The following ADAMTSL4 variants were observed in gnomAD, a reference collection of about 807,000 sequenced individuals.
ADAMTSL4 encodes the protein ADAMTS-like protein 4.
Under a neutral mutation model 122.8 loss-of-function variants are expected in ADAMTSL4, and 97 were observed. That is an observed-to-expected ratio of 0.79 (90% confidence interval 0.67 to 0.93). ADAMTSL4 has a LOEUF of 0.93. Among genes scored for constraint, ADAMTSL4 ranks in the 40% least tolerant of loss-of-function variants. ADAMTSL4 has a pLI of 0.00. For synonymous variants in ADAMTSL4, 592 were observed against 568.0 expected, an observed-to-expected ratio of 1.04 and a Z score of -0.60; for missense variants, 1,408 against 1,453.5, an observed-to-expected ratio of 0.97 and a Z score of 0.51.
chr1:150,552,562 C>G lies in ADAMTSL4; in HGVS notation c.40C>G (p.Leu14Val). The G allele has an allele frequency of 6.2e-7, 1 of 1,614,026 alleles. No homozygotes were observed. Among genetic ancestry groups the G allele is most frequent in the East Asian group, 2.2e-5 (1 of 44,874 alleles). Residue 14 changes from leucine to valine, a missense_variant, in exon 4 of 19, where the codon CTG (leucine) becomes GTG (valine). Physicochemically the swap from Leu to Val is conservative, Grantham distance 32. Coordinates refer to ENST00000271643, the MANE Select transcript of ADAMTSL4 (RefSeq NM_019032.6). The surrounding 1 kb of genome is among the most constrained non-coding windows in gnomAD (Gnocchi z 4.0). ...TTGCAGGCCCTGGCTGTATCTGCTG[C>G]TGCTTCTGTCCCTCCCTCAGCTCTG... ...WTGRPWLYLL[L>V]LLSLPQLCLD...
Position 150,559,582 on chromosome 1 carries a change from C to T in ADAMTSL4, c.2943+116C>T, listed in dbSNP as rs983814717. 5.8e-6 allele frequency: 9 copies of T among 1,556,454 alleles called. No individual in the cohort carries two copies. The highest frequency in any genetic ancestry group is 1.7e-5 in the Admixed American group (1 of 58,156). The stretch of plus-strand genomic sequence containing the variant: ...GTGCCCCAGAATAAGCCCAGCCAAG[C>T]GTTACCACTGTCCTACTTCTTATAG... On this transcript the variant is annotated intron_variant, in intron 17 of 18. Coordinates refer to ENST00000271643, the MANE Select transcript of ADAMTSL4 (RefSeq NM_019032.6). This position sits in a 1 kb window ranked among gnomAD's most constrained non-coding sequence, Gnocchi z 4.1.
In ADAMTSL4 at chr1:150,557,520, A is replaced by T; in HGVS notation, c.2074A>T (p.Ile692Phe). ...KGVWRPIFLC[I>F]SRESGEELDE... ...TGTCTGGCGCCCCATTTTCCTCTGC[A>T]TCTCCCGTGAGTCGGGAGAGGAACT... Residue 692 changes from isoleucine to phenylalanine, a missense_variant, in exon 13 of 19, where the codon ATC becomes TTC. Physicochemically the swap from Ile to Phe is conservative, Grantham distance 21 (BLOSUM62 0). Transcript: ENST00000271643. The T allele has an allele frequency of 1.2e-6, 2 of 1,612,592 alleles. No individual in the cohort carries two copies. The highest frequency in any genetic ancestry group is 1.7e-6 in the Non-Finnish European group (2 of 1,179,742).
In ADAMTSL4 at chr1:150,558,982, G is replaced by A. The variant is rs150680122; in HGVS notation, c.2580G>A (p.Thr860=). ...CGCAGTGCTCAGCCGAGTGTGGGAC[G>A]GGAATCCAGCGGCGCTCTGTGGTCT... is the stretch of plus-strand genomic sequence containing the variant. ...WSSKCSAECG[T]GIQRRSVVCL... Residue 860 remains threonine, a synonymous_variant, in exon 16 of 19, where the codon ACG becomes ACA. Transcript: ENST00000271643. The A allele has an allele frequency of 3.9e-4, 631 of 1,610,020 alleles. No individual in the cohort carries two copies. In the African/African-American group the frequency reaches 5.7e-3, roughly 15 times the overall value.
Position 150,560,232 on chromosome 1 carries a change from A to G in ADAMTSL4, c.*36A>G, listed in dbSNP as rs1672640318. 2 of 1,612,464 alleles carry G rather than the reference A, an allele frequency of 1.2e-6. No individual in the cohort carries two copies. Among genetic ancestry groups the G allele is most frequent in the East Asian group, 4.5e-5 (2 of 44,816 alleles). On this transcript the variant is annotated 3_prime_UTR_variant, in exon 19 of 19. Coordinates refer to ENST00000271643, the MANE Select transcript of ADAMTSL4 (RefSeq NM_019032.6). Reference sequence around the variant, plus strand: ...GGGCACCTTCACGGTTTTCTGTGCCACCATCGGTCACCCATTGATCGGCCC... The same window carrying G: ...GGGCACCTTCACGGTTTTCTGTGCCGCCATCGGTCACCCATTGATCGGCCC...
rs1672227243 is a variant in ADAMTSL4, at chr1:150,557,170, C to T, written c.1882C>T (p.Pro628Ser). The change falls in exon 12 of 19, where the codon CCA (proline) becomes TCA (serine). Residue 628 changes from proline to serine, a missense_variant. Physicochemically the swap from Pro to Ser is moderately conservative, Grantham distance 74. Coordinates refer to ENST00000271643, the MANE Select transcript of ADAMTSL4 (RefSeq NM_019032.6). ...CACAGAGATTCTGAGGGTGGAGCCC[C>T]CACTTGCTCCGGCACCCCGCCCAGC... ...LQPEILRVEP[P>S]LAPAPRPART... The T allele has an allele frequency of 6.2e-7, 1 of 1,611,784 alleles. No individual in the cohort carries two copies. Among genetic ancestry groups the T allele is most frequent in the Non-Finnish European group, 8.5e-7 (1 of 1,179,808 alleles).
rs1672582365 is a variant in ADAMTSL4 at position 150,559,669 on chromosome 1, C to T, written c.2944-92C>T. ...TCACAATGTCCTAGGAGGGTCCCCACCACCACCTTTTGGGGAGAGAGGTGG... is the reference window on the plus strand; with the variant it reads ...TCACAATGTCCTAGGAGGGTCCCCATCACCACCTTTTGGGGAGAGAGGTGG... On this transcript the variant is annotated intron_variant, in intron 17 of 18. Coordinates refer to ENST00000271643, the MANE Select transcript of ADAMTSL4 (RefSeq NM_019032.6). This position sits in a 1 kb window ranked among gnomAD's most constrained non-coding sequence, Gnocchi z 4.1. The T allele has an allele frequency of 6.2e-7, 1 of 1,603,132 alleles. No individual in the cohort carries two copies. Among genetic ancestry groups the T allele is most frequent in the Non-Finnish European group, 8.5e-7 (1 of 1,174,426 alleles).
intron 2 of ADAMTSL4, chr1:150,550,340 G>A: frequency 6.6e-6 from 3 of 451,312 alleles, no homozygotes; most frequent in South Asian, 1.6e-5. Flanking sequence ...GCCGGGCTGC[G>A]CAGGGGAGGG....
chr1:150,552,875 G>C lies in ADAMTSL4; in HGVS notation c.79-23G>C, dbSNP rs971608344. 3.7e-6 allele frequency: 6 copies of C among 1,606,380 alleles called. No homozygotes were observed. The highest frequency in any genetic ancestry group is 5.1e-6 in the Non-Finnish European group (6 of 1,176,384). Reference sequence around the variant, plus strand: ...AGTTCCCTCTAATCCTTCCAATTCTGTCTGACCTTTTTCTCTATATAGGTG... The same window carrying C: ...AGTTCCCTCTAATCCTTCCAATTCTCTCTGACCTTTTTCTCTATATAGGTG... On this transcript the variant is annotated intron_variant, in intron 4 of 18. Coordinates refer to ENST00000271643, the MANE Select transcript of ADAMTSL4 (RefSeq NM_019032.6). The surrounding 1 kb of genome is among the most constrained non-coding windows in gnomAD (Gnocchi z 4.0).
rs775233536 is a variant in ADAMTSL4, at chr1:150,556,808, A to T, written c.1749+15A>T. On this transcript the variant is annotated intron_variant, in intron 10 of 18. Coordinates refer to ENST00000271643, the MANE Select transcript of ADAMTSL4 (RefSeq NM_019032.6). This position sits in a 1 kb window ranked among gnomAD's most constrained non-coding sequence, Gnocchi z 4.1. ...TGGATGTCTATGTGAGCCTGGGGCCAGGGGCAGCTGAATGCTGGGGAGGGA... is the reference window on the plus strand; with the variant it reads ...TGGATGTCTATGTGAGCCTGGGGCCTGGGGCAGCTGAATGCTGGGGAGGGA... The T allele has an allele frequency of 1.2e-6, 2 of 1,610,718 alleles. No individual in the cohort carries two copies. The highest frequency in any genetic ancestry group is 1.7e-5 in the Admixed American group (1 of 59,538).
In ADAMTSL4 at chr1:150,558,003, C is replaced by T. The variant is rs751676813; in HGVS notation, c.2236C>T (p.Arg746Cys). The T allele has an allele frequency of 8.7e-5, 140 of 1,612,136 alleles. No individual in the cohort carries two copies. The highest frequency in any genetic ancestry group is 1.3e-4 in the Admixed American group (8 of 59,988). The change falls in exon 14 of 19, where the codon CGC becomes TGC. Residue 746 changes from arginine (R) to cysteine (C), a missense_variant. Physicochemically the swap from Arg to Cys is radical, Grantham distance 180. Coordinates refer to ENST00000271643, the MANE Select transcript of ADAMTSL4 (RefSeq NM_019032.6). Reference sequence around the variant, plus strand: ...CTCCTGTGGCCCCGGCACCCAGCACCGCCAGCTGCAGTGCCGGCAGGAATT... The same window carrying T: ...CTCCTGTGGCCCCGGCACCCAGCACTGCCAGCTGCAGTGCCGGCAGGAATT... ...SRSCGPGTQHRQLQCRQEFGG... is the reference protein window; with the variant it reads ...SRSCGPGTQHCQLQCRQEFGG...
At position 150,554,486 on chromosome 1, in the gene ADAMTSL4, C is replaced by T. The variant is rs749636083; in HGVS notation, c.1234+19C>T. The T allele has an allele frequency of 1.2e-6, 2 of 1,613,840 alleles. No homozygotes were observed. Among genetic ancestry groups the T allele is most frequent in the Admixed American group, 1.7e-5 (1 of 59,986 alleles). On this transcript the variant is annotated intron_variant, in intron 7 of 18. Transcript: ENST00000271643. This position sits in a 1 kb window ranked among gnomAD's most constrained non-coding sequence, Gnocchi z 4.0. ...ACTGAAGGTGAGGTTTCTTGCTCAC[C>T]CCTGGGCAGTGGTGGCTTGGAATTG... is the stretch of plus-strand genomic sequence containing the variant.
chr1:150,560,016 G>A, intron 18 of ADAMTSL4, 44 bp from the exon 19 acceptor site: 4 of 1,614,004 alleles, frequency 2.5e-6, no homozygotes, highest in Non-Finnish European at 3.4e-6. Flanking sequence ...AGACGGGTGG[G>A]TCCTGGTGAC....
rs1030613647 is a variant in ADAMTSL4 at position 150,559,013 on chromosome 1, G to A, written c.2611G>A (p.Gly871Arg). 12 of 1,611,912 alleles carry A rather than the reference G, an allele frequency of 7.4e-6. No individual in the cohort carries two copies. Among genetic ancestry groups the A allele is most frequent in the Non-Finnish European group, 1.0e-5 (12 of 1,179,818 alleles). Reference protein sequence around the residue: ...GIQRRSVVCLGSGAALGPGQG... With the variant: ...GIQRRSVVCLRSGAALGPGQG... ...CCAGCGGCGCTCTGTGGTCTGCCTT[G>A]GGAGTGGGGCAGCCCTCGGGCCAGG... The change falls in exon 16 of 19, where the codon GGG becomes AGG. Residue 871 changes from glycine to arginine, a missense_variant. Physicochemically the swap from Gly to Arg is moderately radical, Grantham distance 125. Transcript: ENST00000271643. The surrounding 1 kb of genome is among the most constrained non-coding windows in gnomAD (Gnocchi z 4.1).
rs972373509 is a variant in ADAMTSL4, at chr1:150,559,124, T to C, written c.2722T>C (p.Cys908Arg). ...CATGCGCGCCTGCAGCCTGGGGCCC[T>C]GTGAGAGAACTTGGCGCTGGTACAC... is the stretch of plus-strand genomic sequence containing the variant. ...PDMRACSLGP[C>R]ERTWRWYTGP... The change falls in exon 16 of 19, where the codon TGT becomes CGT. Residue 908 changes from cysteine to arginine, a missense_variant. Physicochemically the swap from Cys to Arg is radical, Grantham distance 180 (BLOSUM62 -3). Transcript: ENST00000271643. The surrounding 1 kb of genome is among the most constrained non-coding windows in gnomAD (Gnocchi z 4.1). 6.2e-7 allele frequency: 1 copy of C among 1,612,816 alleles called. No homozygotes were observed. Among genetic ancestry groups the C allele is most frequent in the Non-Finnish European group, 8.5e-7 (1 of 1,179,890 alleles).
Position 150,557,026 on chromosome 1 carries a change from C to G in ADAMTSL4, c.1837C>G (p.Pro613Ala). The G allele has an allele frequency of 6.2e-7, 1 of 1,613,710 alleles. No homozygotes were observed. ...PPILENPTPE[P>A]PVPQLQPEIL... is the part of the protein sequence containing the mutation. ...AATCCTTGAGAACCCCACCCCAGAG[C>G]CCCCTGTCCCCCAGCTTCAGCCGGG... The change falls in exon 11 of 19, where the codon CCC becomes GCC. Residue 613 changes from proline (P) to alanine (A), a missense_variant. Transcript: ENST00000271643.
rs377554910 is a variant in ADAMTSL4, at chr1:150,558,561, C to G, written c.2471C>G (p.Ala824Gly). ...GATGAAGTGAGCGAGCAGGAGTGTG[C>G]GTCAGGCCCCCCGCAGCCCCCCAGC... ...NGDEVSEQECASGPPQPPSRE... is the reference protein window; with the variant it reads ...NGDEVSEQECGSGPPQPPSRE... The change falls in exon 15 of 19, where the codon GCG (alanine) becomes GGG (glycine). Residue 824 changes from alanine to glycine, a missense_variant. By Grantham distance (60) the Ala-to-Gly change is moderately conservative (BLOSUM62 0). Coordinates refer to ENST00000271643, the MANE Select transcript of ADAMTSL4 (RefSeq NM_019032.6). The G allele has an allele frequency of 6.2e-7, 1 of 1,613,878 alleles. No homozygotes were observed. The highest frequency in any genetic ancestry group is 1.7e-5 in the Admixed American group (1 of 60,016).
rs1476182201 is a variant in ADAMTSL4, at chr1:150,557,084, G to A, written c.1861+34G>A. The stretch of plus-strand genomic sequence containing the variant: ...CTGACCCCTGCACTTGGAAGGAGGA[G>A]GGAGAGGCTGCAGGGCTGGCTCGGG... On this transcript the variant is annotated intron_variant, in intron 11 of 18. Transcript: ENST00000271643. The A allele has an allele frequency of 4.2e-5, 68 of 1,612,784 alleles. 1 individual carries two copies. Among genetic ancestry groups the A allele is most frequent in the Non-Finnish European group, 5.8e-5 (68 of 1,179,038 alleles).
chr1:150,557,025 GC>G lies in ADAMTSL4; in HGVS notation c.1841del (p.Pro614LeufsTer10), dbSNP rs762274397. ...PPILENPTPEPPVPQLQPEIL... is the reference protein window; with the variant it reads ...PPILENPTPEXPVPQLQPEIL... ...CAATCCTTGAGAACCCCACCCCAGA[GC>G]CCCCTGTCCCCCAGCTTCAGCCGGG... On this transcript the variant is annotated frameshift_variant, in exon 11 of 19. Transcript: ENST00000271643. LOFTEE classifies it high-confidence loss of function. 2 of 1,613,834 alleles carry G rather than the reference GC, an allele frequency of 1.2e-6. No individual in the cohort carries two copies. The highest frequency in any genetic ancestry group is 2.2e-5 in the South Asian group (2 of 91,082).
At chr1:150,555,292 C>A in intron 7 of ADAMTSL4, 137 bp from the exon 8 acceptor site, 2 of 1,145,136 alleles carry the variant, frequency 1.7e-6, no homozygotes, top group Non-Finnish European at 2.5e-6. Flanking sequence ...CCGGCCCTGA[C>A]CACCTCAGCT....
Sources: gnomAD v4.1 joint callset for allele counts on GRCh38, gnomAD v4.1.1 for gene constraint, Gnocchi (gnomAD v3.1) non-coding constraint, MANE v1.5 for transcripts, NCBI Gene and HGNC (gene_info 2026-07-23, HGNC 2026-07-21) for gene names.